NLGN1: variants seen among roughly 807,000 people sequenced by gnomAD.
NLGN1 encodes the protein neuroligin-1.
In NLGN1, 12 loss-of-function variants were observed where a neutral mutation model predicts 65.5. That is an observed-to-expected ratio of 0.18 (90% CI 0.12 to 0.30). The LOEUF is 0.30. Ranked by LOEUF, NLGN1 falls within the 10% of genes least tolerant of loss-of-function variation. The pLI is 1.00. For synonymous variants in NLGN1, 350 were observed against 359.5 expected (o/e 0.97, Z 0.30); for missense variants, 750 against 1,007.1 (o/e 0.74, Z 3.46).
At chr3:173,854,270 G>T (rs75862818) in intron 4 of NLGN1, among the ~76,000 whole-genome samples, 6,557 of 151,950 alleles carry the variant, frequency 0.043, 251 homozygotes, top group African/African-American at 0.1. Flanking sequence ...AATCATATTT[G>T]CTACCTAAAT....
intron 4 of NLGN1, among the ~76,000 whole-genome samples, chr3:174,064,521 T>C (rs1040798438): frequency 4.6e-5 from 7 of 151,356 alleles, no homozygotes; most frequent in African/African-American, 1.7e-4. Flanking sequence ...TCTCTATGCC[T>C]TAGTTTCAAA....
At chr3:174,172,991 G>T (rs142702667) in intron 4 of NLGN1, among the ~76,000 whole-genome samples, 2 of 151,834 alleles carry the variant, frequency 1.3e-5, no homozygotes, top group Non-Finnish European at 2.9e-5. Context: ...CTGCAATTTC[G>T]TGCAGCAACA....
chr3:173,505,777 AGC>A (rs1447790979), intron 2 of NLGN1, among the ~76,000 whole-genome samples: 3 of 152,216 alleles, frequency 2.0e-5, no homozygotes, highest in East Asian at 3.9e-4. Flanking sequence ...CACTGAATTT[AGC>A]ACAATTATTA....
chr3:173,863,005 A>G (rs1355699402), intron 4 of NLGN1, among the ~76,000 whole-genome samples: 1 of 152,174 alleles, frequency 6.6e-6, no homozygotes, highest in Non-Finnish European at 1.5e-5. Flanking sequence ...TAGGTGGTAT[A>G]TAGTAGTTGT....
intron 3 of NLGN1, among the ~76,000 whole-genome samples, chr3:173,633,338 G>A (rs1756046186): frequency 1.3e-5 from 2 of 152,156 alleles, no homozygotes; most frequent in South Asian, 4.2e-4. Flanking sequence ...GTCCACACTT[G>A]GCCTTGATGC....
Position 173,540,898 on chromosome 3 carries a change from A to T in NLGN1, c.-320-63381A>T, listed in dbSNP as rs114225614. Among the ~76,000 whole-genome samples the T allele has an allele frequency of 1.0e-3, 154 of 152,286 alleles. 1 individual carries two copies. The highest frequency in any genetic ancestry group is 6.8e-3 in the Middle Eastern group (2 of 294). ...GCTATATCACTGAAGGGTTTAGTTCATTCACACCATCAACCTTTTCTCTGC... is the reference window on the plus strand; with the variant it reads ...GCTATATCACTGAAGGGTTTAGTTCTTTCACACCATCAACCTTTTCTCTGC... On this transcript the variant is annotated intron_variant, in intron 2 of 6. Coordinates refer to ENST00000457714, the Ensembl canonical transcript of NLGN1.
At chr3:173,938,545 T>C (rs1269936185) in intron 4 of NLGN1, among the ~76,000 whole-genome samples, 1 of 152,152 alleles carries the variant, frequency 6.6e-6, no homozygotes, top group African/African-American at 2.4e-5. Context: ...CAGTGTGACT[T>C]AGCCCGTGTT....
chr3:174,132,485 A>T (rs9844752), intron 4 of NLGN1, among the ~76,000 whole-genome samples: 1 of 151,754 alleles, frequency 6.6e-6, no homozygotes, highest in Admixed American at 6.6e-5. Context: ...CAGTTTGAAT[A>T]CTCTTGTAAG....
chr3:174,218,932 T>C (rs1380110050), intron 4 of NLGN1, among the ~76,000 whole-genome samples: 1 of 152,072 alleles, frequency 6.6e-6, no homozygotes, highest in East Asian at 1.9e-4. Context: ...GAGATTGGGA[T>C]GATGCTCTAG....
intron 4 of NLGN1, among the ~76,000 whole-genome samples, chr3:174,064,599 TTAA>T (rs150694878): frequency 0.02 from 2,942 of 150,124 alleles, 89 homozygotes; most frequent in African/African-American, 0.067. Flanking sequence ...GATACATATA[TTAA>T]TAAGGATATA....
At chr3:173,443,267 A>G (rs1234769792) in intron 2 of NLGN1, among the ~76,000 whole-genome samples, 1 of 149,052 alleles carries the variant, frequency 6.7e-6, no homozygotes, top group Non-Finnish European at 1.5e-5. Flanking sequence ...TTTTTAAAAA[A>G]ATTGCCCAAT....
At chr3:174,148,585 G>T (rs546195267) in intron 4 of NLGN1, among the ~76,000 whole-genome samples, 1 of 151,824 alleles carries the variant, frequency 6.6e-6, no homozygotes, top group Non-Finnish European at 1.5e-5. Context: ...GCACTTAATC[G>T]TCTCCTCCTA....
At chr3:173,964,665 A>G (rs1321914665) in intron 4 of NLGN1, among the ~76,000 whole-genome samples, 1 of 152,192 alleles carries the variant, frequency 6.6e-6, no homozygotes, top group Non-Finnish European at 1.5e-5. Context: ...TATGAATCAA[A>G]TGTAATTTTG....
intron 3 of NLGN1, among the ~76,000 whole-genome samples, chr3:173,700,250 T>C (rs1229958664): frequency 6.6e-6 from 1 of 152,228 alleles, no homozygotes; most frequent in African/African-American, 2.4e-5. Context: ...ATTTTCTTAC[T>C]TTTTATACCA....
intron 2 of NLGN1, among the ~76,000 whole-genome samples, chr3:173,539,683 C>CATATATAACATATATGT (rs1169664608): frequency 5.0e-5 from 5 of 100,268 alleles, no homozygotes; most frequent in African/African-American, 1.9e-4. Flanking sequence ...ATATAACATA[C>CATATATAACATATATGT]ATATATGTAC....
chr3:173,602,472 A>G (rs1173121297), intron 2 of NLGN1, among the ~76,000 whole-genome samples: 1 of 152,128 alleles, frequency 6.6e-6, no homozygotes, highest in Non-Finnish European at 1.5e-5. Context: ...AAAATCCATC[A>G]TGGCATGCAG....
intron 4 of NLGN1, among the ~76,000 whole-genome samples, chr3:174,127,449 T>C (rs1012980156): frequency 6.6e-6 from 1 of 152,166 alleles, no homozygotes; most frequent in Non-Finnish European, 1.5e-5. Flanking sequence ...TCTTTTGACA[T>C]AGTAACAATA....
chr3:174,070,622 GC>G (rs1560971395), intron 4 of NLGN1, among the ~76,000 whole-genome samples: 1 of 152,056 alleles, frequency 6.6e-6, no homozygotes, highest in Non-Finnish European at 1.5e-5. Flanking sequence ...GAGCCACCGC[GC>G]CCGGCCTTAT....
At chr3:173,406,633 C>G (rs1718752068) in intron 1 of NLGN1, among the ~76,000 whole-genome samples, 1 of 150,500 alleles carries the variant, frequency 6.6e-6, no homozygotes, top group African/African-American at 2.4e-5. Flanking sequence ...ATAGTTGGAC[C>G]AGTCAGATGC....
Sources: allele counts gnomAD v4.1 joint callset (sites outside exome capture counted in the v4.1 genomes callset), GRCh38; gene constraint gnomAD v4.1.1; transcripts MANE v1.5; gene names NCBI Gene and HGNC (gene_info 2026-07-23, HGNC 2026-07-21).